Variants in CCR5AS observed in about 807,000 individuals in gnomAD.
CCR5AS encodes CCR5 antisense RNA.
intron 2 of CCR5AS, chr3:46,373,304 G>C: frequency 6.2e-7 from 1 of 1,614,128 alleles, no homozygotes; most frequent in South Asian, 1.1e-5. Context: ...TCCATGCTGT[G>C]TTTGCTTTAA....
At chr3:46,388,478 C>T (rs1205534239) in intron 2 of CCR5AS, among the ~76,000 whole-genome samples, 1 of 152,034 alleles carries the variant, frequency 6.6e-6, no homozygotes, top group East Asian at 1.9e-4. Flanking sequence ...CTGGGAGGAC[C>T]CAGGACATCC....
intron 1 of CCR5AS, among the ~76,000 whole-genome samples, chr3:46,405,573 G>GGGGCCACTGCTGATCCCA (rs1702037061): frequency 6.6e-6 from 1 of 152,102 alleles, no homozygotes. Context: ...CCCAGGAGGA[G>GGGGCCACTGCTGATCCCA]GGGCCACTGC....
At chr3:46,377,751 G>A (rs982626941) in intron 2 of CCR5AS, among the ~76,000 whole-genome samples, 1 of 152,010 alleles carries the variant, frequency 6.6e-6, no homozygotes, top group Non-Finnish European at 1.5e-5. Context: ...TGTTGCCCAG[G>A]CTGGAGTGCA....
chr3:46,396,944 G>A (rs1701965890), intron 1 of CCR5AS, among the ~76,000 whole-genome samples: 1 of 152,170 alleles, frequency 6.6e-6, no homozygotes, highest in Admixed American at 6.5e-5. Flanking sequence ...CTCAGTCACA[G>A]GTGCTAATAA....
At chr3:46,406,288 A>G (rs953709659) in intron 1 of CCR5AS, among the ~76,000 whole-genome samples, 14 of 152,180 alleles carry the variant, frequency 9.2e-5, no homozygotes, top group African/African-American at 3.4e-4. Flanking sequence ...ATAAATTCTA[A>G]GCAAATAGGT....
chr3:46,368,808 G>T (rs1405275542), intron 3 of CCR5AS, among the ~76,000 whole-genome samples: 1 of 152,148 alleles, frequency 6.6e-6, no homozygotes, highest in East Asian at 1.9e-4. Context: ...CCCTCTGGGG[G>T]TGAGTATGTC....
intron 1 of CCR5AS, among the ~76,000 whole-genome samples, chr3:46,394,985 A>G (rs905742009): frequency 2.0e-5 from 3 of 151,926 alleles, no homozygotes; most frequent in African/African-American, 7.3e-5. Context: ...CGATGTGGAG[A>G]CTGTATTGGA....
intron 3 of CCR5AS, among the ~76,000 whole-genome samples, chr3:46,369,592 C>T (rs553230690): frequency 2.3e-4 from 35 of 152,152 alleles, no homozygotes; most frequent in African/African-American, 7.5e-4. Flanking sequence ...ACAGAGACTC[C>T]GGTGAACCAA....
chr3:46,377,676 C>T (rs1237719569), intron 2 of CCR5AS, among the ~76,000 whole-genome samples: 1 of 151,784 alleles, frequency 6.6e-6, no homozygotes, highest in Non-Finnish European at 1.5e-5. Context: ...GGGCTAGAAG[C>T]AGAAATGTGA....
In CCR5AS at chr3:46,395,738, C is replaced by T. The variant is rs529777268; in HGVS notation, n.164-2686G>A. Among the ~76,000 whole-genome samples the T allele has an allele frequency of 3.5e-3, 527 of 152,286 alleles. 1 individual carries two copies. The highest frequency in any genetic ancestry group is 3.6e-3 in the Non-Finnish European group (248 of 68,020). The stretch of plus-strand genomic sequence containing the variant: ...CCTGGGCTCTCCTGAGAGGACAGGA[C>T]CAGCCTCTGAAGTTGAAGGTCCTGG... On this transcript the variant is annotated intron_variant and non_coding_transcript_variant, in intron 1 of 3. Transcript: ENST00000451485.
intron 2 of CCR5AS, among the ~76,000 whole-genome samples, chr3:46,376,403 T>C (rs572814964): frequency 2.0e-5 from 3 of 152,296 alleles, no homozygotes; most frequent in South Asian, 4.1e-4. Context: ...CTGAGACAAA[T>C]TGCCAGAATA....
chr3:46,391,718 A>G lies in CCR5AS; in HGVS notation n.391+1107T>C, dbSNP rs183429633. Reference sequence around the variant, plus strand: ...GGGGGAGGGCTAGTTGTGGAACGAAACTGTAAGCCAGACCAGGTGTGAGGA... The same window carrying G: ...GGGGGAGGGCTAGTTGTGGAACGAAGCTGTAAGCCAGACCAGGTGTGAGGA... On this transcript the variant is annotated intron_variant and non_coding_transcript_variant, in intron 2 of 3. Coordinates refer to ENST00000451485, the Ensembl canonical transcript of CCR5AS. 2.6e-5 allele frequency among the ~76,000 whole-genome samples: 4 copies of G among 152,330 alleles called. No individual in the cohort carries two copies. The East Asian group carries it at 7.7e-4, about 29-fold the overall frequency.
intron 2 of CCR5AS, chr3:46,372,641 A>G (rs897734442): frequency 3.0e-6 from 1 of 329,034 alleles, no homozygotes; most frequent in Non-Finnish European, 5.6e-6. Context: ...ACAAGATTTT[A>G]TTTGGTGAGA....
At chr3:46,379,212 C>T (rs527533866) in intron 2 of CCR5AS, among the ~76,000 whole-genome samples, 6 of 141,566 alleles carry the variant, frequency 4.2e-5, no homozygotes, top group African/African-American at 1.6e-4. Context: ...TGATATTCCC[C>T]TTCCTATGTC....
At chr3:46,373,406 A>G in intron 2 of CCR5AS, 1 of 1,612,210 alleles carries the variant, frequency 6.2e-7, no homozygotes, top group East Asian at 2.2e-5. Flanking sequence ...TCTTTACCAG[A>G]TCTCAAAAAG....
chr3:46,370,970 C>G (rs1301422380), intron 3 of CCR5AS: 1 of 152,182 alleles, frequency 6.6e-6, no homozygotes, highest in African/African-American at 2.4e-5. Context: ...ATCCGTTCCC[C>G]TACAAGAAAC....
Position 46,373,160 on chromosome 3 carries a change from G to A in CCR5AS, n.392-1743C>T, listed in dbSNP as rs777330502. On this transcript the variant is annotated intron_variant and non_coding_transcript_variant, in intron 2 of 3. Transcript: ENST00000451485. ...TTTTCCTTCTTACTGTCCCCTTCTG[G>A]GCTCACTATGCTGCCGCCCAGTGGG... is the stretch of plus-strand genomic sequence containing the variant. 20 of 1,613,888 alleles carry A rather than the reference G, an allele frequency of 1.2e-5. 1 individual carries two copies. In the South Asian group the frequency reaches 2.1e-4, roughly 17 times the overall value.
chr3:46,373,439 C>A (rs1701698972), intron 2 of CCR5AS: 2 of 1,611,012 alleles, frequency 1.2e-6, no homozygotes, highest in Middle Eastern at 1.6e-4. Context: ...ACACCTGCAG[C>A]TCTCATTTTC....
rs180992353 is a variant in CCR5AS at position 46,380,755 on chromosome 3, G to A, written n.392-9338C>T. On this transcript the variant is annotated intron_variant and non_coding_transcript_variant, in intron 2 of 3. Coordinates refer to ENST00000451485, the Ensembl canonical transcript of CCR5AS. ...CCAACATATTGGAGTCACTCAGGGA[G>A]TTTTACAAATAGTGAGGTTAAATCC... is the stretch of plus-strand genomic sequence containing the variant. Among the ~76,000 whole-genome samples the A allele has an allele frequency of 1.8e-4, 28 of 152,358 alleles. 1 individual carries two copies. The East Asian group carries it at 5.4e-3, about 29-fold the overall frequency.
Sources: allele counts gnomAD v4.1 joint callset (sites outside exome capture counted in the v4.1 genomes callset), GRCh38; gene constraint gnomAD v4.1.1; transcripts MANE v1.5; gene names NCBI Gene and HGNC (gene_info 2026-07-23, HGNC 2026-07-21).